Variants in FANK1 observed in about 807,000 individuals in gnomAD.
The protein encoded by FANK1 is fibronectin type 3 and ankyrin repeat domains protein 1.
Under a neutral mutation model 45.3 loss-of-function variants are expected in FANK1, and 44 were observed. The observed-to-expected ratio is 0.97, with a 90% CI of 0.76 to 1.25. The LOEUF (loss-of-function observed/expected upper bound fraction) is 1.25. FANK1 is among the 50% of genes most tolerant of loss of function. The pLI is 0.00. For synonymous variants in FANK1, 149 were observed against 152.5 expected, an observed-to-expected ratio of 0.98 and a Z score of 0.17; for missense variants, 391 against 424.4, an observed-to-expected ratio of 0.92 and a Z score of 0.69.
chr10:125,943,471 T>A (rs532796031), intron 1 of FANK1, among the ~76,000 whole-genome samples: 13 of 152,274 alleles, frequency 8.5e-5, no homozygotes, highest in African/African-American at 3.1e-4. Flanking sequence ...CCAGGAGAAA[T>A]CTCATAACCA....
Position 125,995,441 on chromosome 10 carries a change from T to A in FANK1, c.341T>A (p.Leu114Ter), listed in dbSNP as rs766323993. 1.2e-6 allele frequency: 2 copies of A among 1,614,194 alleles called. No individual in the cohort carries two copies. The highest frequency in any genetic ancestry group is 3.3e-5 in the Admixed American group (2 of 60,032). Residue 114 changes from leucine to a stop codon, truncating the protein, a stop_gained, in exon 4 of 11, where the codon TTG becomes TAG. Coordinates refer to ENST00000368693, the MANE Select transcript of FANK1 (RefSeq NM_145235.5). LOFTEE classifies it high-confidence loss of function. ...TTREPISSEH[L>*]HRAVSVNDED... ...GGAGAGCCCATAAGTAGTGAGCACT[T>A]GCACCGGGCTGTCAGTGTGAATGAT...
chr10:125,977,481 C>T (rs773171935), intron 1 of FANK1, among the ~76,000 whole-genome samples: 1 of 152,162 alleles, frequency 6.6e-6, no homozygotes, highest in Non-Finnish European at 1.5e-5. Flanking sequence ...TTCCGTCATG[C>T]TCCCTTTCAG....
intron 1 of FANK1, among the ~76,000 whole-genome samples, chr10:125,905,131 A>C (rs63426960): frequency 0.025 from 956 of 38,186 alleles, 2 homozygotes; most frequent in African/African-American, 0.065. Context: ...ACTCTGTCCC[A>C]AAAAAAAAAA....
intron 1 of FANK1, chr10:125,974,973 A>G (rs1331799574): frequency 6.6e-6 from 1 of 152,146 alleles, no homozygotes; most frequent in Non-Finnish European, 1.5e-5. Context: ...TCAATACCCA[A>G]TAGTTACCTT....
At chr10:125,912,864 A>C (rs1172472738) in intron 1 of FANK1, among the ~76,000 whole-genome samples, 1 of 152,158 alleles carries the variant, frequency 6.6e-6, no homozygotes, top group Non-Finnish European at 1.5e-5. Context: ...CAAACTCCTG[A>C]CCTCAAGTGA....
chr10:125,989,645 G>A (rs1429464799), intron 3 of FANK1, among the ~76,000 whole-genome samples: 2 of 152,204 alleles, frequency 1.3e-5, no homozygotes, highest in African/African-American at 2.4e-5. Flanking sequence ...CAATTTCAGA[G>A]GAGACTTGTG....
intron 4 of FANK1, among the ~76,000 whole-genome samples, chr10:125,996,213 C>T (rs3736479): frequency 0.58 from 87,819 of 152,054 alleles, 27,003 homozygotes; most frequent in Non-Finnish European, 0.68. Context: ...TGAGAGTCAG[C>T]AGTGAAGACA....
At chr10:125,989,547 T>C (rs898909509) in intron 3 of FANK1, 1 of 729,570 alleles carries the variant, frequency 1.4e-6, no homozygotes, top group South Asian at 1.5e-5. Flanking sequence ...TTAACTCAGC[T>C]TTTGAGCTGT....
chr10:125,946,864 A>G (rs1458340908), intron 1 of FANK1, among the ~76,000 whole-genome samples: 7 of 144,142 alleles, frequency 4.9e-5, no homozygotes, highest in Non-Finnish European at 1.5e-5. Context: ...AGCCAGAGAG[A>G]AAGGTCGGGT....
chr10:125,994,644 C>T (rs1347905301), intron 3 of FANK1: 6 of 985,236 alleles, frequency 6.1e-6, no homozygotes, highest in Middle Eastern at 5.2e-4. Context: ...TTTTTAAAAT[C>T]AGAAGGTGTA....
chr10:125,968,981 G>A (rs1451352819), intron 1 of FANK1, among the ~76,000 whole-genome samples: 2 of 152,114 alleles, frequency 1.3e-5, no homozygotes, highest in Admixed American at 6.5e-5. Flanking sequence ...GCATAAAATT[G>A]TTTTATTTGT....
intron 1 of FANK1, among the ~76,000 whole-genome samples, chr10:125,922,226 A>G (rs929928039): frequency 6.6e-6 from 1 of 152,216 alleles, no homozygotes; most frequent in Non-Finnish European, 1.5e-5. Flanking sequence ...GGGATGTTCT[A>G]GAAATGTTCT....
At chr10:125,989,559 G>A (rs1951790336) in intron 3 of FANK1, 1 of 714,446 alleles carries the variant, frequency 1.4e-6, no homozygotes, top group Admixed American at 2.1e-5. Flanking sequence ...TTGAGCTGTG[G>A]TACCTTCAGT....
intron 6 of FANK1, among the ~76,000 whole-genome samples, chr10:126,001,163 T>C (rs1257619511): frequency 6.6e-6 from 1 of 152,218 alleles, no homozygotes; most frequent in African/African-American, 2.4e-5. Flanking sequence ...TAAGGGTGTT[T>C]GTTGTTGCCT....
At chr10:125,931,169 A>G (rs908168806) in intron 1 of FANK1, among the ~76,000 whole-genome samples, 2 of 152,252 alleles carry the variant, frequency 1.3e-5, no homozygotes, top group Admixed American at 6.5e-5. Flanking sequence ...TTGTGCCGCT[A>G]TAAACATGCA....
chr10:125,990,125 G>A (rs1951828932), intron 3 of FANK1, among the ~76,000 whole-genome samples: 1 of 152,116 alleles, frequency 6.6e-6, no homozygotes, highest in East Asian at 1.9e-4. Flanking sequence ...CTCCTCCCCA[G>A]GTACAGAGCA....
chr10:125,974,581 C>T (rs536273108), intron 1 of FANK1, among the ~76,000 whole-genome samples: 1 of 152,174 alleles, frequency 6.6e-6, no homozygotes, highest in African/African-American at 2.4e-5. Context: ...CACTCTACTG[C>T]ACCCCTTGTT....
intron 1 of FANK1, among the ~76,000 whole-genome samples, chr10:125,932,510 G>A (rs999857159): frequency 6.6e-6 from 1 of 152,154 alleles, no homozygotes; most frequent in Admixed American, 6.5e-5. Flanking sequence ...CTTGGTCGCT[G>A]TTGGTGTATA....
chr10:125,959,715 TA>T (rs1949801263), intron 1 of FANK1, among the ~76,000 whole-genome samples: 1 of 152,208 alleles, frequency 6.6e-6, no homozygotes, highest in South Asian at 2.1e-4. Context: ...TTAGAAATTG[TA>T]AATTCATGAG....
Sources: allele counts gnomAD v4.1 joint callset (sites outside exome capture counted in the v4.1 genomes callset), GRCh38; gene constraint gnomAD v4.1.1; transcripts MANE v1.5; gene names NCBI Gene and HGNC (gene_info 2026-07-23, HGNC 2026-07-21).